Variants in SRGAP2B observed in about 807,000 individuals in gnomAD.
The protein encoded by SRGAP2B is SLIT-ROBO Rho GTPase activating protein 2B.
Under a neutral mutation model 22.2 loss-of-function variants are expected in SRGAP2B, and 9 were observed. That is an observed-to-expected ratio of 0.41 (90% CI 0.24 to 0.71). SRGAP2B has a LOEUF of 0.71. Among genes scored for constraint, SRGAP2B ranks in the 30% least tolerant of loss-of-function variants. SRGAP2B has a pLI of 0.35. For missense variants in SRGAP2B, 114 were observed against 235.8 expected, an observed-to-expected ratio of 0.48 and a Z score of 3.38; for synonymous variants, 36 against 87.4, an observed-to-expected ratio of 0.41 and a Z score of 3.28.
intron 2 of SRGAP2B, among the ~76,000 whole-genome samples, chr1:144,998,497 T>C (rs1341492113): frequency 6.8e-6 from 1 of 146,116 alleles, no homozygotes; most frequent in Non-Finnish European, 1.5e-5. Flanking sequence ...CCTGCTAGTG[T>C]GGTTTATTTG....
intron 6 of SRGAP2B, among the ~76,000 whole-genome samples, 181 bp downstream of exon 6, chr1:144,905,678 T>C (rs1473096097): frequency 1.3e-5 from 2 of 149,634 alleles, no homozygotes; most frequent in African/African-American, 2.5e-5. Context: ...ACGTGCCCAG[T>C]TCTTCCAATA....
chr1:144,988,020 A>G (rs1441370590), intron 3 of SRGAP2B, among the ~76,000 whole-genome samples: 1 of 150,000 alleles, frequency 6.7e-6, no homozygotes, highest in African/African-American at 2.5e-5. Context: ...AAGACAAGGT[A>G]TACAATGCTA....
Position 144,920,880 on chromosome 1 carries a change from A to G in SRGAP2B, c.424-6126T>C, listed in dbSNP as rs76282638. On this transcript the variant is annotated intron_variant, in intron 4 of 9. Coordinates refer to ENST00000612199, the Ensembl canonical transcript of SRGAP2B. ...AACTTAGTTAGACAGGAGCTAAAAT[A>G]ACTTGCCGTCTTGAAGTGGCTGATC... Among the ~76,000 whole-genome samples the G allele has an allele frequency of 5.3e-5, 8 of 150,684 alleles. No individual in the cohort carries two copies. The East Asian group carries it at 1.5e-3, about 29-fold the overall frequency.
intron 4 of SRGAP2B, among the ~76,000 whole-genome samples, chr1:144,937,274 CA>C (rs1488892625): frequency 1.4e-5 from 2 of 145,174 alleles, no homozygotes; most frequent in Non-Finnish European, 3.0e-5. Flanking sequence ...GCAAAGTGGG[CA>C]AGAAGTATGC....
intron 3 of SRGAP2B, among the ~76,000 whole-genome samples, chr1:144,961,340 C>A (rs1175230028): frequency 2.6e-5 from 4 of 151,682 alleles, no homozygotes; most frequent in African/African-American, 9.7e-5. Flanking sequence ...GATGCTTCAG[C>A]AACTTATACT....
intron 3 of SRGAP2B, among the ~76,000 whole-genome samples, chr1:144,993,440 C>T (rs1553617825): frequency 3.3e-5 from 5 of 150,530 alleles, no homozygotes. Flanking sequence ...GTGGCTCACA[C>T]CTGTAATTCC....
At chr1:145,030,121 C>T (rs1359098346) in intron 2 of SRGAP2B, among the ~76,000 whole-genome samples, 1 of 148,726 alleles carries the variant, frequency 6.7e-6, no homozygotes, top group Non-Finnish European at 1.5e-5. Flanking sequence ...TTTGTTCTTA[C>T]TCTCCTACTA....
Position 145,085,013 on chromosome 1 carries a change from G to A in SRGAP2B, c.67+7822C>T, listed in dbSNP as rs371427068. Reference sequence around the variant, plus strand: ...GCTAGAGTGCAGTGGCATGATCTCGGCTCACTGCAACCTCTGCCTCTTGGA... The same window carrying A: ...GCTAGAGTGCAGTGGCATGATCTCGACTCACTGCAACCTCTGCCTCTTGGA... On this transcript the variant is annotated intron_variant, in intron 2 of 9. Coordinates refer to ENST00000612199, the Ensembl canonical transcript of SRGAP2B. Among the ~76,000 whole-genome samples, 282 of 150,730 alleles carry A rather than the reference G, an allele frequency of 1.9e-3. 12 individuals carry two copies. The East Asian group carries it at 0.051, about 27-fold the overall frequency.
At chr1:144,911,855 A>G (rs1194777320) in intron 5 of SRGAP2B, among the ~76,000 whole-genome samples, 25 of 136,162 alleles carry the variant, frequency 1.8e-4, no homozygotes, top group South Asian at 1.4e-3. Context: ...TCCTGACCTC[A>G]TGATCCGCCC....
rs1300404429 is a variant in SRGAP2B at position 144,995,096 on chromosome 1, C to T, written c.172G>A (p.Glu58Lys). The change falls in exon 3 of 10, where the codon GAG (glutamate) becomes AAG (lysine). Residue 58 changes from glutamate to lysine, a missense_variant. By Grantham distance (56) the Glu-to-Lys change is moderately conservative. Around this residue, in one of 2 missense-constraint regions of SRGAP2B, gnomAD observed 95 missense variants for 139.0 expected, o/e 0.68. Transcript: ENST00000612199. Reference sequence around the variant, plus strand: ...TTGCGGGAGTAGTCCATCTCAATCTCTGCCTTCTTTCGGAAGAAGTCCTGG... The same window carrying T: ...TTGCGGGAGTAGTCCATCTCAATCTTTGCCTTCTTTCGGAAGAAGTCCTGG... 8.7e-6 allele frequency: 13 copies of T among 1,501,508 alleles called. No homozygotes were observed. The African/African-American group carries it at 1.6e-4, about 19-fold the overall frequency. The allele number at this position is 1,501,508 out of a possible 1,614,324, so 93.0% of individuals were successfully genotyped here. A position where few individuals can be genotyped will look rare whatever the true frequency, so the allele number is the denominator to read the frequency against.
In SRGAP2B at chr1:145,081,318, G is replaced by A. The variant is rs587714037; in HGVS notation, c.67+11517C>T. ...GAGACATAAGAAGCACTTGATAAAC[G>A]CTAACCATCATCACCATCATTATTA... is the stretch of plus-strand genomic sequence containing the variant. On this transcript the variant is annotated intron_variant, in intron 2 of 9. Coordinates refer to ENST00000612199, the Ensembl canonical transcript of SRGAP2B. Among the ~76,000 whole-genome samples, 17 of 150,010 alleles carry A rather than the reference G, an allele frequency of 1.1e-4. 1 individual carries two copies. The highest frequency in any genetic ancestry group is 2.2e-4 in the Non-Finnish European group (15 of 67,730).
chr1:144,913,133 G>A (rs1258865794), intron 5 of SRGAP2B, among the ~76,000 whole-genome samples: 1 of 145,266 alleles, frequency 6.9e-6, no homozygotes, highest in Admixed American at 6.8e-5. Flanking sequence ...AAGAGACATA[G>A]GACCCTGGGT....
intron 3 of SRGAP2B, among the ~76,000 whole-genome samples, chr1:144,966,142 G>A (rs1386678861): frequency 7.4e-5 from 11 of 148,188 alleles, no homozygotes; most frequent in Admixed American, 1.3e-4. Context: ...TACAGAGAAC[G>A]CCACAAAGAC....
chr1:144,984,889 T>C (rs587636433), intron 3 of SRGAP2B, among the ~76,000 whole-genome samples: 1 of 149,756 alleles, frequency 6.7e-6, no homozygotes, highest in Admixed American at 6.6e-5. Flanking sequence ...TCTACCTTTG[T>C]CCACTTCTTC....
rs1263988332 is a variant in SRGAP2B at position 144,921,329 on chromosome 1, T to G, written c.424-6575A>C. Among the ~76,000 whole-genome samples, 38 of 141,336 alleles carry G rather than the reference T, an allele frequency of 2.7e-4. 2 individuals carry two copies. Among genetic ancestry groups the G allele is most frequent in the African/African-American group, 1.0e-3 (38 of 36,560 alleles). The allele number at this position is 141,336 out of a possible 152,430, so 92.7% of individuals were successfully genotyped here. A position where few individuals can be genotyped will look rare whatever the true frequency, so the allele number is the denominator to read the frequency against. ...TTCAAAAAATCCAGCTATTACATAG[T>G]AAATTCTTTTTCTTTGGGTTTGTCT... On this transcript the variant is annotated intron_variant, in intron 4 of 9. Transcript: ENST00000612199.
intron 5 of SRGAP2B, among the ~76,000 whole-genome samples, chr1:144,910,505 G>A (rs1663343878): frequency 6.7e-6 from 1 of 149,890 alleles, no homozygotes; most frequent in South Asian, 2.1e-4. Context: ...CCAGCACACA[G>A]CCGATGCTCC....
At chr1:145,020,421 C>A (rs587694957) in intron 2 of SRGAP2B, among the ~76,000 whole-genome samples, 1 of 120,626 alleles carries the variant, frequency 8.3e-6, no homozygotes, top group South Asian at 2.9e-4. Flanking sequence ...AGAGAGAGAC[C>A]TTGTCTCTTT....
At chr1:145,011,520 A>G (rs1672049072) in intron 2 of SRGAP2B, among the ~76,000 whole-genome samples, 1 of 150,602 alleles carries the variant, frequency 6.6e-6, no homozygotes, top group African/African-American at 2.5e-5. Context: ...CTGAACCTGA[A>G]CTCTTGACAC....
rs149269647 is a variant in SRGAP2B at position 144,960,383 on chromosome 1, C to T, written c.261-4782G>A. Among the ~76,000 whole-genome samples, 274 of 150,958 alleles carry T rather than the reference C, an allele frequency of 1.8e-3. 3 individuals are homozygous for T. Among genetic ancestry groups the T allele is most frequent in the Non-Finnish European group, 3.3e-3 (222 of 67,968 alleles). On this transcript the variant is annotated intron_variant, in intron 3 of 9. Transcript: ENST00000612199. ...AGTCGAAAGGAGACCCGGAAAGTCA[C>T]ATGCTGCCTGTACATCTGCAGGAGA...
Sources: gnomAD v4.1 joint callset for allele counts (sites outside exome capture counted in the v4.1 genomes callset) on GRCh38, gnomAD v4.1.1 for gene constraint, gnomAD v4.1.1 regional missense constraint, MANE v1.5 for transcripts, NCBI Gene and HGNC (gene_info 2026-07-23, HGNC 2026-07-21) for gene names.